The following THSD4 variants were observed in gnomAD, a reference collection of about 807,000 sequenced individuals.
The protein encoded by THSD4 is thrombospondin type 1 domain containing 4, also known as thrombospondin type-1 domain-containing protein 4.
A neutral mutation model predicts 119.0 loss-of-function variants in THSD4; 69 were observed. The ratio of observed to expected loss-of-function variants is 0.58; its 90% CI spans 0.48 to 0.71. THSD4 has a LOEUF of 0.71. THSD4 is among the 30% of genes least tolerant of loss of function. THSD4 has a pLI of 0.00. For missense variants in THSD4, 1,393 were observed against 1,391.1 expected (o/e 1.00, Z -0.02); for synonymous variants, 524 against 540.4 (o/e 0.97, Z 0.42).
rs533600920 is a variant in THSD4 at position 71,371,862 on chromosome 15, A to C, written c.1016-39825A>C. On this transcript the variant is annotated intron_variant, in intron 6 of 17. Transcript: ENST00000261862. ...TTGGGGAAGTTCTTCTGGATAATAT[A>C]CTGCAGAGTGTTTTCCAACTTGGTT... 1.6e-3 allele frequency among the ~76,000 whole-genome samples: 250 copies of C among 152,294 alleles called. 4 individuals are homozygous for C. In the South Asian group the frequency reaches 0.027, roughly 16 times the overall value.
intron 7 of THSD4, among the ~76,000 whole-genome samples, chr15:71,467,813 A>G (rs907788469): frequency 3.3e-5 from 5 of 149,772 alleles, no homozygotes; most frequent in African/African-American, 7.4e-5. Context: ...TGCTGTTCCC[A>G]TGATATTGAA....
At position 71,724,266 on chromosome 15, in the gene THSD4, G is replaced by GATATATATATATATATATATATAT. The variant is rs144736427; in HGVS notation, c.1358-4261_1358-4260insATATATATATATATATATATATAT. Among the ~76,000 whole-genome samples, 48 of 74,582 alleles carry GATATATATATATATATATATATAT rather than the reference G, an allele frequency of 6.4e-4. 1 individual carries two copies. The highest frequency in any genetic ancestry group is 1.8e-3 in the East Asian group (2 of 1,142). The allele number at this position is 74,582 out of a possible 152,430, so 48.9% of individuals were successfully genotyped here. On this transcript the variant is annotated intron_variant, in intron 8 of 17. Coordinates refer to ENST00000261862, the MANE Select transcript of THSD4 (RefSeq NM_024817.3). ...CTGGGGGAGGAGGCCTCTATGATGG[G>GATATATATATATATATATATATAT]ATATATATATATATATATATATTTT...
intron 6 of THSD4, among the ~76,000 whole-genome samples, chr15:71,288,021 T>C (rs1048450907): frequency 2.6e-5 from 4 of 152,202 alleles, no homozygotes; most frequent in African/African-American, 9.6e-5. Flanking sequence ...TAAATATAGA[T>C]AGGCCACCTA....
intron 7 of THSD4, among the ~76,000 whole-genome samples, chr15:71,550,153 T>A (rs1363206280): frequency 1.3e-5 from 2 of 152,216 alleles, no homozygotes; most frequent in Non-Finnish European, 2.9e-5. Context: ...CCGAAAAGAC[T>A]GTAAAGGACT....
intron 7 of THSD4, among the ~76,000 whole-genome samples, chr15:71,621,377 G>A (rs2050416169): frequency 6.6e-6 from 1 of 152,142 alleles, no homozygotes; most frequent in African/African-American, 2.4e-5. Context: ...TCCCAGATGA[G>A]GGATTGATTT....
intron 7 of THSD4, among the ~76,000 whole-genome samples, chr15:71,597,008 A>G (rs186973186): frequency 4.8e-4 from 73 of 152,334 alleles, no homozygotes; most frequent in African/African-American, 1.6e-3. Context: ...TTGCTAAACC[A>G]AAATATTTAA....
At chr15:71,251,425 G>T (rs1356353925) in intron 5 of THSD4, among the ~76,000 whole-genome samples, 1 of 152,196 alleles carries the variant, frequency 6.6e-6, no homozygotes, top group Non-Finnish European at 1.5e-5. Flanking sequence ...GGGGATTGGG[G>T]CCTGGAAGGT....
At chr15:71,264,599 C>G (rs551405617) in intron 6 of THSD4, among the ~76,000 whole-genome samples, 1 of 152,300 alleles carries the variant, frequency 6.6e-6, no homozygotes, top group South Asian at 2.1e-4. Flanking sequence ...AGGGAGATAT[C>G]TTAGGGTTGT....
At chr15:71,620,670 C>T (rs2050404152) in intron 7 of THSD4, among the ~76,000 whole-genome samples, 1 of 152,134 alleles carries the variant, frequency 6.6e-6, no homozygotes, top group African/African-American at 2.4e-5. Context: ...GATCTATGTA[C>T]TCTGTGTATA....
chr15:71,555,660 T>C (rs961130605), intron 7 of THSD4, among the ~76,000 whole-genome samples: 3 of 152,198 alleles, frequency 2.0e-5, no homozygotes, highest in African/African-American at 7.2e-5. Context: ...TCCATTTTAT[T>C]TCTTTGTGTT....
intron 10 of THSD4, among the ~76,000 whole-genome samples, chr15:71,735,582 TTCTC>T (rs948014020): frequency 5.4e-5 from 8 of 146,936 alleles, no homozygotes; most frequent in South Asian, 2.2e-4. Flanking sequence ...CACTCTCTGT[TTCTC>T]TCTCTCTCTC....
At chr15:71,396,777 C>G (rs1235626697) in intron 6 of THSD4, among the ~76,000 whole-genome samples, 2 of 152,208 alleles carry the variant, frequency 1.3e-5, no homozygotes, top group Non-Finnish European at 2.9e-5. Context: ...CACAACATGT[C>G]ACACAGCATG....
intron 1 of THSD4, among the ~76,000 whole-genome samples, chr15:71,106,881 A>T (rs1464047499): frequency 6.6e-6 from 1 of 151,848 alleles, no homozygotes; most frequent in Non-Finnish European, 1.5e-5. Context: ...AAAAAAAAAA[A>T]TTTAAAAAGA....
intron 3 of THSD4, chr15:71,164,718 A>C: frequency 6.4e-7 from 1 of 1,557,526 alleles, no homozygotes; most frequent in Non-Finnish European, 8.6e-7. Context: ...AGTTGTGTAC[A>C]GGGGGGTTAA....
At chr15:71,347,674 T>C (rs957715172) in intron 6 of THSD4, among the ~76,000 whole-genome samples, 3 of 152,170 alleles carry the variant, frequency 2.0e-5, no homozygotes, top group Non-Finnish European at 4.4e-5. Context: ...AGTAGTCCCA[T>C]ATCAAAATTT....
intron 6 of THSD4, among the ~76,000 whole-genome samples, chr15:71,265,540 C>T (rs994728478): frequency 4.6e-5 from 7 of 152,160 alleles, no homozygotes; most frequent in Admixed American, 1.3e-4. Flanking sequence ...TTTGGGCAGA[C>T]ACCAAGCTAG....
chr15:71,362,406 A>G (rs2045903837), intron 6 of THSD4, among the ~76,000 whole-genome samples: 1 of 152,242 alleles, frequency 6.6e-6, no homozygotes, highest in South Asian at 2.1e-4. Context: ...AGACAAAACA[A>G]AGGCAAGATT....
At chr15:71,505,377 G>C (rs1236290718) in intron 7 of THSD4, among the ~76,000 whole-genome samples, 1 of 152,188 alleles carries the variant, frequency 6.6e-6, no homozygotes, top group Non-Finnish European at 1.5e-5. Context: ...GAGAGTGAAT[G>C]AAACAGACAT....
chr15:71,541,876 T>G (rs1466948764), intron 7 of THSD4, among the ~76,000 whole-genome samples: 1 of 152,124 alleles, frequency 6.6e-6, no homozygotes, highest in Non-Finnish European at 1.5e-5. Context: ...TTTGAGATAA[T>G]TTCTTGTGGC....
Sources: gnomAD v4.1 joint callset for allele counts (sites outside exome capture counted in the v4.1 genomes callset) on GRCh38, gnomAD v4.1.1 for gene constraint, MANE v1.5 for transcripts, NCBI Gene and HGNC (gene_info 2026-07-23, HGNC 2026-07-21) for gene names.